TMEM50B: variants seen among roughly 807,000 people sequenced by gnomAD.
TMEM50B encodes the protein HCV p7-trans-regulated protein 3.
Under a neutral mutation model 23.4 loss-of-function variants are expected in TMEM50B, and 14 were observed. That is an observed-to-expected ratio of 0.60 (90% confidence interval 0.39 to 0.93). The LOEUF is 0.93. Ranked by LOEUF, TMEM50B falls within the 40% of genes least tolerant of loss-of-function variation. The probability of loss-of-function intolerance (pLI) is 0.00; values close to 1 mark genes in which losing one functional copy is unlikely to be tolerated. For missense variants in TMEM50B, 159 were observed against 193.0 expected (o/e 0.82, Z 1.04); for synonymous variants, 64 against 62.3 (o/e 1.03, Z -0.13).
In TMEM50B at chr21:33,479,909, C is replaced by G. The variant is rs2084412978; in HGVS notation, c.-113G>C. The stretch of plus-strand genomic sequence containing the variant: ...AGGAGACTGCTGCGCCACAACCCTG[C>G]CGGCGTCCCGCGGCTCCACCTCAGC... On this transcript the variant is annotated 5_prime_UTR_variant, in exon 1 of 7. Transcript: ENST00000542230. 1.3e-5 allele frequency: 2 copies of G among 152,268 alleles called. No homozygotes were observed. The highest frequency in any genetic ancestry group is 1.3e-4 in the Admixed American group (2 of 15,288). The allele number at this position is 152,268 out of a possible 1,614,324, so 9.4% of individuals were successfully genotyped here.
chr21:33,460,310 C>A, intron 5 of TMEM50B, 103 bp downstream of exon 5: 1 of 759,346 alleles, frequency 1.3e-6, no homozygotes, highest in East Asian at 2.7e-5. Context: ...TATCTTCAAT[C>A]TAAGTGAACA....
chr21:33,446,935 G>A (rs1200360627), downstream of TMEM50B: 2 of 152,138 alleles, frequency 1.3e-5, no homozygotes, highest in Non-Finnish European at 2.9e-5. Context: ...CTGGGGTCAG[G>A]AATTTGAGAC....
chr21:33,454,779 T>TA (rs2123423585), intron 6 of TMEM50B, among the ~76,000 whole-genome samples: 1 of 152,288 alleles, frequency 6.6e-6, no homozygotes, highest in South Asian at 2.1e-4. Flanking sequence ...GCTTCTCATT[T>TA]ACTAGCTAGG....
intron 6 of TMEM50B, among the ~76,000 whole-genome samples, chr21:33,454,646 GT>G (rs2084152778): frequency 6.6e-6 from 1 of 151,954 alleles, no homozygotes; most frequent in South Asian, 2.1e-4. Context: ...CTTCATAAAG[GT>G]ACTTTACCTG....
chr21:33,441,175 A>G (rs1023661865), intron 7 of TMEM50B, among the ~76,000 whole-genome samples: 5 of 152,044 alleles, frequency 3.3e-5, no homozygotes, highest in Admixed American at 3.3e-4. Flanking sequence ...AGTTGCAGTG[A>G]GCCCAGATGA....
chr21:33,455,843 T>C, intron 5 of TMEM50B, 59 bp from the exon 6 acceptor site: 1 of 1,161,664 alleles, frequency 8.6e-7, no homozygotes. Context: ...AGTAATAAAG[T>C]ATCAGTGCCA....
chr21:33,444,184 G>GC (rs35760586), downstream of TMEM50B, among the ~76,000 whole-genome samples: 152,323 of 152,324 alleles, frequency 1, 76,161 homozygotes, highest in Middle Eastern at 1. Flanking sequence ...ATAGGCGTGA[G>GC]CACCATGCCT....
At chr21:33,451,261 C>G (rs113456220) in intron 6 of TMEM50B, among the ~76,000 whole-genome samples, 7 of 152,210 alleles carry the variant, frequency 4.6e-5, no homozygotes, top group African/African-American at 1.7e-4. Flanking sequence ...ACTGAAGCAC[C>G]CTACAACAGA....
chr21:33,450,833 T>C lies in TMEM50B; in HGVS notation c.462A>G (p.Glu154=). The C allele has an allele frequency of 1.2e-6, 2 of 1,613,184 alleles. No homozygotes were observed. The highest frequency in any genetic ancestry group is 1.7e-6 in the Non-Finnish European group (2 of 1,179,558). ...AGAAGTGATCTCAGGTCCATAGCTC[T>C]TCGGTTCTTCCAAATTTGTAGATCA... is the stretch of plus-strand genomic sequence containing the variant. ...STLIYKFGRT[E]ELWT Residue 154 remains glutamate (E), a synonymous_variant, in exon 7 of 7, where the codon GAA becomes GAG. Coordinates refer to ENST00000542230, the MANE Select transcript of TMEM50B (RefSeq NM_006134.7).
chr21:33,461,919 T>C (rs2084220505), intron 4 of TMEM50B, among the ~76,000 whole-genome samples: 2 of 152,136 alleles, frequency 1.3e-5, no homozygotes, highest in African/African-American at 4.8e-5. Context: ...AGTAAGTATG[T>C]CTGAGGGCAT....
At chr21:33,464,064 C>A (rs778750252) in intron 4 of TMEM50B, among the ~76,000 whole-genome samples, 7 of 152,146 alleles carry the variant, frequency 4.6e-5, no homozygotes, top group Non-Finnish European at 8.8e-5. Flanking sequence ...ACAAGCACAG[C>A]ATAGTGGCTA....
chr21:33,469,206 T>G (rs1399336631), intron 1 of TMEM50B, among the ~76,000 whole-genome samples: 2 of 152,102 alleles, frequency 1.3e-5, no homozygotes, highest in Non-Finnish European at 2.9e-5. Context: ...TTCCAGCACT[T>G]TGGGAGGCCA....
chr21:33,470,104 TAAAA>T (rs34633073), intron 1 of TMEM50B, among the ~76,000 whole-genome samples: 1 of 149,776 alleles, frequency 6.7e-6, no homozygotes, highest in African/African-American at 2.5e-5. Context: ...TAGAAAGAAA[TAAAA>T]AAAAAATTGA....
intron 1 of TMEM50B, among the ~76,000 whole-genome samples, chr21:33,477,953 G>A (rs1287632638): frequency 6.6e-6 from 1 of 151,032 alleles, no homozygotes; most frequent in East Asian, 2.0e-4. Flanking sequence ...GGCTAACACG[G>A]TGAAAACCCG....
downstream of TMEM50B, among the ~76,000 whole-genome samples, chr21:33,448,415 G>A (rs1314342079): frequency 6.6e-6 from 1 of 152,152 alleles, no homozygotes. Flanking sequence ...GTGAGGTTGA[G>A]GCAGGTGGAT....
At chr21:33,461,977 CA>C (rs1165708763) in intron 4 of TMEM50B, among the ~76,000 whole-genome samples, 1 of 151,886 alleles carries the variant, frequency 6.6e-6, no homozygotes, top group Non-Finnish European at 1.5e-5. Flanking sequence ...TTTTGTTTAG[CA>C]AAAAAATAAA....
intron 6 of TMEM50B, 85 bp from the exon 7 acceptor site, chr21:33,450,948 G>T (rs1601113253): frequency 9.8e-7 from 1 of 1,023,662 alleles, no homozygotes. Context: ...GCTTTGACAG[G>T]TACTTCACTG....
At chr21:33,463,695 A>G (rs529306886) in intron 4 of TMEM50B, among the ~76,000 whole-genome samples, 8 of 152,162 alleles carry the variant, frequency 5.3e-5, no homozygotes, top group Non-Finnish European at 1.2e-4. Context: ...GGCCAGGTGG[A>G]TAGCTTGAGG....
intron 1 of TMEM50B, chr21:33,469,641 C>A (rs1431590724): frequency 6.6e-6 from 1 of 152,180 alleles, no homozygotes; most frequent in Non-Finnish European, 1.5e-5. Context: ...GGCAATGGAG[C>A]ATCTGCCTGG....
Sources: gnomAD v4.1 joint callset for allele counts (sites outside exome capture counted in the v4.1 genomes callset) on GRCh38, gnomAD v4.1.1 for gene constraint, MANE v1.5 for transcripts, NCBI Gene and HGNC (gene_info 2026-07-23, HGNC 2026-07-21) for gene names.